Variants in UBXN11 observed in about 807,000 individuals in gnomAD.
UBXN11 encodes UBX domain-containing protein 11.
Under a neutral mutation model 62.8 loss-of-function variants are expected in UBXN11, and 47 were observed. The observed-to-expected ratio is 0.75, with a 90% CI of 0.59 to 0.95. The LOEUF (loss-of-function observed/expected upper bound fraction) is 0.95. UBXN11 is among the 40% of genes least tolerant of loss of function. The pLI, the probability that UBXN11 is intolerant of heterozygous loss-of-function variation, is 0.00. For missense variants in UBXN11, 638 were observed against 661.7 expected, an observed-to-expected ratio of 0.96 and a Z score of 0.39; for synonymous variants, 294 against 267.0, an observed-to-expected ratio of 1.10 and a Z score of -0.99.
intron 8 of UBXN11, 69 bp downstream of exon 8, chr1:26,294,136 C>A: frequency 1.3e-6 from 2 of 1,586,726 alleles, no homozygotes; most frequent in Non-Finnish European, 8.6e-7. Flanking sequence ...CTCTGGGGAG[C>A]TGCCGGCCAA....
Position 26,282,560 on chromosome 1 carries a change from A to G in UBXN11, c.1302T>C (p.Asp434=). 6.2e-7 allele frequency: 1 copy of G among 1,600,692 alleles called. No homozygotes were observed. Among genetic ancestry groups the G allele is most frequent in the Non-Finnish European group, 8.5e-7 (1 of 1,170,592 alleles). ...RALLAQARVM[D]ASAFEIFSTF... is the part of the protein sequence containing the mutation. ...TGCTGAAGATCTCAAAGGCAGAGGC[A>G]TCCATGACCCTGGGGACCAGGCAGA... Residue 434 remains aspartate (D), a synonymous_variant, in exon 15 of 15, where the codon GAT becomes GAC. Transcript: ENST00000374222.
At chr1:26,306,699 A>T (rs115882672), upstream of UBXN11, 1 of 152,082 alleles carries the variant, frequency 6.6e-6, no homozygotes, top group Non-Finnish European at 1.5e-5. Context: ...GGGAGGCCTG[A>T]GCAACCTGCA....
chr1:26,301,039 G>A lies in UBXN11; in HGVS notation c.101-15C>T, dbSNP rs2073521070. ...CACCTCATCTTCTGCAGACAGGGAT[G>A]CCTAGGTCACCGCTCTGGGGCGGAG... On this transcript the variant is annotated splice_polypyrimidine_tract_variant and intron_variant, in intron 3 of 14. Coordinates refer to ENST00000374222, the MANE Select transcript of UBXN11 (RefSeq NM_001389556.1). The A allele has an allele frequency of 1.2e-6, 2 of 1,614,236 alleles. No homozygotes were observed. Among genetic ancestry groups the A allele is most frequent in the Non-Finnish European group, 1.7e-6 (2 of 1,180,038 alleles).
At chr1:26,314,002 G>A (rs2073767764) in intron 1 of UBXN11, among the ~76,000 whole-genome samples, 2 of 151,910 alleles carry the variant, frequency 1.3e-5, no homozygotes, top group Admixed American at 6.6e-5. Context: ...GGATGGTCTC[G>A]ATCTCCTGAC....
intron 8 of UBXN11, among the ~76,000 whole-genome samples, chr1:26,288,385 C>T (rs2073179525): frequency 6.6e-6 from 1 of 152,134 alleles, no homozygotes; most frequent in Non-Finnish European, 1.5e-5. Context: ...GAAGTAAAAG[C>T]AGGTGGCCCA....
At chr1:26,301,413 C>T (rs569473230) in intron 3 of UBXN11, among the ~76,000 whole-genome samples, 86 of 152,250 alleles carry the variant, frequency 5.6e-4, no homozygotes, top group Non-Finnish European at 9.9e-4. Flanking sequence ...TTGGCCCTCA[C>T]TTGGTTTCTA....
chr1:26,284,973 C>T (rs775096410), intron 10 of UBXN11: 19 of 1,000,796 alleles, frequency 1.9e-5, no homozygotes, highest in South Asian at 1.3e-4. Flanking sequence ...GCCCTCAGTG[C>T]GGCACTAACC....
intron 4 of UBXN11, among the ~76,000 whole-genome samples, 186 bp downstream of exon 4, chr1:26,300,740 T>A (rs2124666159): frequency 6.6e-6 from 1 of 152,280 alleles, no homozygotes; most frequent in African/African-American, 2.4e-5. Context: ...CTCGGCCTCC[T>A]GAGCTAAGGG....
chr1:26,286,098 A>G (rs1395476876), intron 8 of UBXN11, 61 bp from the exon 9 acceptor site: 2 of 1,476,152 alleles, frequency 1.4e-6, no homozygotes, highest in Non-Finnish European at 1.8e-6. Context: ...TAGCAGCCCT[A>G]GCCTCTGTGG....
chr1:26,297,339 C>A, intron 6 of UBXN11, 88 bp downstream of exon 6: 1 of 1,410,586 alleles, frequency 7.1e-7, no homozygotes, highest in South Asian at 1.5e-5. Context: ...CTCTTGATGC[C>A]AGAAGCCATT....
Position 26,284,344 on chromosome 1 carries a change from C to T in UBXN11, c.973+18G>A. The T allele has an allele frequency of 6.2e-7, 1 of 1,614,028 alleles. No individual in the cohort carries two copies. The highest frequency in any genetic ancestry group is 1.1e-5 in the South Asian group (1 of 91,050). ...GCAGTCCCCCAGCCCCCTGGCTCAGCCTGGAGGCCAAACTCACCTGGGTGC... is the reference window on the plus strand; with the variant it reads ...GCAGTCCCCCAGCCCCCTGGCTCAGTCTGGAGGCCAAACTCACCTGGGTGC... On this transcript the variant is annotated intron_variant, in intron 11 of 14. Transcript: ENST00000374222.
Position 26,282,425 on chromosome 1 carries a change from C to G in UBXN11, c.1437G>C (p.Leu479=). 6.3e-7 allele frequency: 1 copy of G among 1,591,496 alleles called. No individual in the cohort carries two copies. The highest frequency in any genetic ancestry group is 8.5e-7 in the Non-Finnish European group (1 of 1,176,880). The change falls in exon 15 of 15, where the codon CTG becomes CTC. Residue 479 remains leucine, a synonymous_variant. Transcript: ENST00000374222. ...CGGGACAGGGACCAGGACTGAATTT[C>G]AGGCTGGACTTCGGGGCTCGGCGTG... ...LRARRAPKSS[L]KFSPGPCPGP... is the part of the protein sequence containing the mutation.
At chr1:26,312,008 G>A (rs2073748902) in intron 1 of UBXN11, among the ~76,000 whole-genome samples, 1 of 152,082 alleles carries the variant, frequency 6.6e-6, no homozygotes, top group Non-Finnish European at 1.5e-5. Context: ...GATATTTAGA[G>A]CCCTCCTATT....
chr1:26,306,135 T>C (rs1029930079), intron 1 of UBXN11, among the ~76,000 whole-genome samples: 3 of 152,176 alleles, frequency 2.0e-5, no homozygotes, highest in African/African-American at 4.8e-5. Flanking sequence ...CTCCTTCACT[T>C]TGGGGCTTCC....
At chr1:26,303,223 C>G (rs138276498) in intron 1 of UBXN11, 9 of 202,922 alleles carry the variant, frequency 4.4e-5, no homozygotes, top group Non-Finnish European at 8.9e-5. Flanking sequence ...CTTTCCCAAA[C>G]TTAGAGCCTG....
chr1:26,288,585 C>T (rs951818592), intron 8 of UBXN11, among the ~76,000 whole-genome samples: 5 of 152,154 alleles, frequency 3.3e-5, no homozygotes, highest in Non-Finnish European at 7.4e-5. Flanking sequence ...GAGAGAGGTG[C>T]AGCTGGGGAG....
intron 7 of UBXN11, among the ~76,000 whole-genome samples, chr1:26,295,082 G>A (rs2073361459): frequency 6.6e-6 from 1 of 152,110 alleles, no homozygotes; most frequent in Non-Finnish European, 1.5e-5. Context: ...TTTCACCCGA[G>A]CTCCAGACTC....
In UBXN11 at chr1:26,294,140, C is replaced by T. The variant is rs976139148; in HGVS notation, c.559+65G>A. ...ATGAGATAGGCCTCTGGGGAGCTGC[C>T]GGCCAACAGCAAACTGTTGGAGAAT... On this transcript the variant is annotated intron_variant, in intron 8 of 14. Coordinates refer to ENST00000374222, the MANE Select transcript of UBXN11 (RefSeq NM_001389556.1). The T allele has an allele frequency of 3.3e-5, 53 of 1,590,672 alleles. 1 individual carries two copies. The South Asian group carries it at 4.9e-4, about 15-fold the overall frequency.
chr1:26,286,082 T>C lies in UBXN11; in HGVS notation c.560-45A>G, dbSNP rs915891813. 10 of 1,537,314 alleles carry C rather than the reference T, an allele frequency of 6.5e-6. No homozygotes were observed. The East Asian group carries it at 1.9e-4, about 28-fold the overall frequency. Reference sequence around the variant, plus strand: ...CCTGTGAGCCGCCTTTTGGCTGTCATGTCCCTAGCAGCCCTAGCCTCTGTG... The same window carrying C: ...CCTGTGAGCCGCCTTTTGGCTGTCACGTCCCTAGCAGCCCTAGCCTCTGTG... On this transcript the variant is annotated intron_variant, in intron 8 of 14. Transcript: ENST00000374222.
Sources: allele counts gnomAD v4.1 joint callset (sites outside exome capture counted in the v4.1 genomes callset), GRCh38; gene constraint gnomAD v4.1.1; transcripts MANE v1.5; gene names NCBI Gene and HGNC (gene_info 2026-07-23, HGNC 2026-07-21).